XPO7: variants seen among roughly 807,000 people sequenced by gnomAD.
XPO7 encodes exportin-7.
A neutral mutation model predicts 144.3 loss-of-function variants in XPO7; 21 were observed. That is an observed-to-expected ratio of 0.15 (90% CI 0.10 to 0.21). The LOEUF is 0.21. XPO7 is among the 10% of genes least tolerant of loss of function. The pLI is 1.00. For synonymous variants in XPO7, 580 were observed against 499.6 expected (o/e 1.16, Z -2.15); for missense variants, 808 against 1,325.8 (o/e 0.61, Z 6.06).
intron 1 of XPO7, among the ~76,000 whole-genome samples, chr8:21,960,605 G>A (rs1052713816): frequency 2.0e-5 from 3 of 152,214 alleles, no homozygotes; most frequent in Admixed American, 6.5e-5. Context: ...AGTCTCATAT[G>A]GTAGTGGACT....
At position 21,919,695 on chromosome 8, in the gene XPO7, C is replaced by CA; in HGVS notation, c.-76_-75insA. On this transcript the variant is annotated 5_prime_UTR_variant, in exon 1 of 28. Coordinates refer to ENST00000252512, the MANE Select transcript of XPO7 (RefSeq NM_015024.5). The stretch of plus-strand genomic sequence containing the variant: ...GGCGCAGCGGCGACGGCGTCGGCGG[C>CA]GGCGGCGGCAGCGGCTCCGGCCGAG... 5.2e-6 allele frequency: 1 copy of CA among 191,308 alleles called. No individual in the cohort carries two copies. Among genetic ancestry groups the CA allele is most frequent in the East Asian group, 1.7e-4 (1 of 5,812 alleles). 11.9% of individuals were successfully genotyped at this position (191,308 alleles called of 1,614,324 possible). A position where few individuals can be genotyped will look rare whatever the true frequency, so the allele number is the denominator to read the frequency against.
rs544273598 is a variant in XPO7, at chr8:22,004,043, C to T, written c.3170+13C>T. On this transcript the variant is annotated intron_variant, in intron 27 of 27. Coordinates refer to ENST00000252512, the MANE Select transcript of XPO7 (RefSeq NM_015024.5). The stretch of plus-strand genomic sequence containing the variant: ...AAAACAGAGACAGGTGAGTATAAAG[C>T]GTCCTGCCTAGAAATCTCAGACAAT... The T allele has an allele frequency of 2.7e-5, 44 of 1,613,522 alleles. No individual in the cohort carries two copies. The South Asian group carries it at 3.8e-4, about 14-fold the overall frequency.
intron 21 of XPO7, among the ~76,000 whole-genome samples, chr8:21,998,212 C>T (rs1012455625): frequency 3.3e-5 from 5 of 152,118 alleles, no homozygotes; most frequent in Middle Eastern, 3.2e-3. Flanking sequence ...GAGGCTGAGG[C>T]GGGCGGATCA....
chr8:21,943,202 C>G (rs766845871), intron 1 of XPO7, among the ~76,000 whole-genome samples: 2 of 152,142 alleles, frequency 1.3e-5, no homozygotes, highest in Non-Finnish European at 2.9e-5. Context: ...GCTGTTATAT[C>G]CAGCACTCTC....
At chr8:22,001,981 A>C in intron 24 of XPO7, 131 bp from the exon 25 acceptor site, 1 of 1,005,974 alleles carries the variant, frequency 9.9e-7, no homozygotes, top group Non-Finnish European at 1.4e-6. Context: ...AGAGGTTAAC[A>C]GGAGTCATCT....
chr8:22,005,102 T>C lies in XPO7; in HGVS notation c.*14T>C. On this transcript the variant is annotated 3_prime_UTR_variant, in exon 28 of 28. Transcript: ENST00000252512. Reference sequence around the variant, plus strand: ...ATGATGAGCTGACACCTCCTTGGACTCTACCTGTACAGAGCAGCGTCCCTT... The same window carrying C: ...ATGATGAGCTGACACCTCCTTGGACCCTACCTGTACAGAGCAGCGTCCCTT... 1 of 1,609,418 alleles carries C rather than the reference T, an allele frequency of 6.2e-7. No individual in the cohort carries two copies. Among genetic ancestry groups the C allele is most frequent in the Non-Finnish European group, 8.5e-7 (1 of 1,176,272 alleles).
intron 26 of XPO7, among the ~76,000 whole-genome samples, chr8:22,003,539 G>C (rs1399629632): frequency 6.6e-6 from 1 of 152,204 alleles, no homozygotes; most frequent in Non-Finnish European, 1.5e-5. Flanking sequence ...GGATAAAGGA[G>C]TGTTTCCCCT....
At chr8:21,961,572 T>G (rs1158737675) in intron 1 of XPO7, among the ~76,000 whole-genome samples, 2 of 152,192 alleles carry the variant, frequency 1.3e-5, no homozygotes, top group East Asian at 1.9e-4. Flanking sequence ...CAGTTCAGAC[T>G]AAACTAGCAA....
At chr8:21,970,369 AACACAC>A (rs140784168) in intron 4 of XPO7, 59 bp downstream of exon 4, 159 of 1,135,978 alleles carry the variant, frequency 1.4e-4, no homozygotes, top group African/African-American at 3.4e-4. Flanking sequence ...CATATATATA[AACACAC>A]ACACACACAC....
intron 1 of XPO7, among the ~76,000 whole-genome samples, chr8:21,955,606 AGTT>A (rs1318085711): frequency 4.0e-5 from 6 of 151,454 alleles, no homozygotes; most frequent in Non-Finnish European, 8.8e-5. Flanking sequence ...GCCAACTCAC[AGTT>A]GTTGTCCTGG....
intron 1 of XPO7, among the ~76,000 whole-genome samples, chr8:21,921,992 A>C (rs1329390380): frequency 6.6e-6 from 1 of 152,226 alleles, no homozygotes; most frequent in Non-Finnish European, 1.5e-5. Flanking sequence ...TAATGAGTAA[A>C]TAAAGGATTC....
At chr8:21,934,052 TC>T (rs1810740654) in intron 1 of XPO7, among the ~76,000 whole-genome samples, 1 of 152,192 alleles carries the variant, frequency 6.6e-6, no homozygotes. Context: ...TGTACATTGT[TC>T]CAGGGCAAAT....
intron 6 of XPO7, 40 bp from the exon 7 acceptor site, chr8:21,976,316 G>A: frequency 2.5e-6 from 4 of 1,598,690 alleles, no homozygotes; most frequent in Admixed American, 1.7e-5. Context: ...TGGGAAGAGA[G>A]GAGTGATTTT....
intron 1 of XPO7, among the ~76,000 whole-genome samples, chr8:21,936,145 C>T (rs1810815199): frequency 6.6e-6 from 1 of 152,150 alleles, no homozygotes; most frequent in Non-Finnish European, 1.5e-5. Flanking sequence ...CCTACCTCTG[C>T]TAAAATTGCC....
At chr8:21,955,111 G>T (rs1390285421) in intron 1 of XPO7, among the ~76,000 whole-genome samples, 2 of 152,166 alleles carry the variant, frequency 1.3e-5, no homozygotes, top group South Asian at 4.1e-4. Context: ...CTGAATATTG[G>T]CATTCTTTCT....
intron 26 of XPO7, 65 bp from the exon 27 acceptor site, chr8:22,003,838 A>G (rs1813234319): frequency 6.2e-7 from 1 of 1,605,044 alleles, no homozygotes; most frequent in Non-Finnish European, 8.5e-7. Context: ...AACCCTGCAG[A>G]TGACGGAGGG....
At chr8:21,984,967 C>A in intron 12 of XPO7, 128 bp downstream of exon 12, 1 of 972,840 alleles carries the variant, frequency 1.0e-6, no homozygotes, top group Non-Finnish European at 1.5e-6. Flanking sequence ...TCTCCATATG[C>A]ACAAGAATCT....
At chr8:21,942,656 C>A (rs749100802) in intron 1 of XPO7, among the ~76,000 whole-genome samples, 4 of 152,190 alleles carry the variant, frequency 2.6e-5, no homozygotes, top group Non-Finnish European at 4.4e-5. Flanking sequence ...TTCTTCAATA[C>A]TTCTTCAACA....
chr8:21,920,585 G>C (rs1810247298), intron 1 of XPO7, among the ~76,000 whole-genome samples: 1 of 152,184 alleles, frequency 6.6e-6, no homozygotes, highest in South Asian at 2.1e-4. Context: ...AGCGTGCTGT[G>C]GGGCCAGGCC....
Sources: allele counts gnomAD v4.1 joint callset (sites outside exome capture counted in the v4.1 genomes callset), GRCh38; gene constraint gnomAD v4.1.1; transcripts MANE v1.5; gene names NCBI Gene and HGNC (gene_info 2026-07-23, HGNC 2026-07-21).